The following PDE1A variants were observed in gnomAD, a reference collection of about 807,000 sequenced individuals.
The protein encoded by PDE1A is phosphodiesterase 1A, also known as dual specificity calcium/calmodulin-dependent 3',5'-cyclic nucleotide phosphodiesterase 1A.
Under a neutral mutation model 61.7 loss-of-function variants are expected in PDE1A, and 35 were observed. The ratio of observed to expected loss-of-function variants is 0.57; its 90% CI spans 0.43 to 0.75. PDE1A has a LOEUF of 0.75. Among genes scored for constraint, PDE1A ranks in the 30% least tolerant of loss-of-function variants. The probability of loss-of-function intolerance (pLI) is 0.00; values close to 1 mark genes in which losing one functional copy is unlikely to be tolerated. For missense variants in PDE1A, 597 were observed against 630.6 expected, an observed-to-expected ratio of 0.95 and a Z score of 0.57; for synonymous variants, 232 against 213.2, an observed-to-expected ratio of 1.09 and a Z score of -0.77.
the PDE1A span, among the ~76,000 whole-genome samples, chr2:182,654,381 C>T: frequency 6.6e-6 from 1 of 152,100 alleles, no homozygotes; most frequent in Non-Finnish European, 1.5e-5. Context: ...CTAACCTCTG[C>T]AATTTCTCCC....
chr2:182,621,586 T>A, the PDE1A span, among the ~76,000 whole-genome samples: 6 of 29,554 alleles, frequency 2.0e-4, no homozygotes, highest in South Asian at 1.6e-3. Flanking sequence ...TAAAAAAAAA[T>A]TTTTTTTTTT....
the PDE1A span, among the ~76,000 whole-genome samples, chr2:182,686,582 A>T: frequency 6.6e-6 from 1 of 152,362 alleles, no homozygotes; most frequent in African/African-American, 2.4e-5. Flanking sequence ...GAACAGCTCC[A>T]GTCTACAGCT....
chr2:182,177,473 T>C (rs912862039), intron 13 of PDE1A, among the ~76,000 whole-genome samples: 1 of 152,166 alleles, frequency 6.6e-6, no homozygotes, highest in Non-Finnish European at 1.5e-5. Context: ...CTTATTTGCA[T>C]AGAGGTGTTT....
chr2:182,614,713 A>C, the PDE1A span, among the ~76,000 whole-genome samples: 96 of 152,156 alleles, frequency 6.3e-4, no homozygotes, highest in African/African-American at 2.0e-3. Flanking sequence ...ATGTGCCACC[A>C]CACCCAGCCA....
intron 7 of PDE1A, among the ~76,000 whole-genome samples, chr2:182,207,320 G>T (rs1276573857): frequency 6.6e-6 from 1 of 152,192 alleles, no homozygotes; most frequent in Non-Finnish European, 1.5e-5. Flanking sequence ...CTGAGTATTT[G>T]AGTACTTATT....
At chr2:182,456,765 G>A (rs1685947019) in intron 2 of PDE1A, among the ~76,000 whole-genome samples, 1 of 152,036 alleles carries the variant, frequency 6.6e-6, no homozygotes, top group Non-Finnish European at 1.5e-5. Context: ...TAGCACTCCT[G>A]GAAAATCAGT....
chr2:182,688,259 C>T, the PDE1A span, among the ~76,000 whole-genome samples: 5 of 152,068 alleles, frequency 3.3e-5, no homozygotes, highest in South Asian at 4.1e-4. Context: ...AAGGAAAAAA[C>T]ATTAAGGGGA....
intron 2 of PDE1A, among the ~76,000 whole-genome samples, chr2:182,510,598 C>A (rs186845939): frequency 6.6e-6 from 1 of 152,284 alleles, no homozygotes; most frequent in Admixed American, 6.5e-5. Flanking sequence ...GAAGTCAAGT[C>A]TGTTGTGAAC....
At chr2:182,443,706 T>C in intron 2 of PDE1A, among the ~76,000 whole-genome samples, 1 of 150,300 alleles carries the variant, frequency 6.7e-6, no homozygotes, top group East Asian at 1.9e-4. Context: ...TTTCCTTTTT[T>C]TTTTTTTTTT....
chr2:182,355,189 T>A (rs1699107074), intron 1 of PDE1A, among the ~76,000 whole-genome samples: 1 of 152,002 alleles, frequency 6.6e-6, no homozygotes, highest in Non-Finnish European at 1.5e-5. Context: ...GTAAATATTC[T>A]ATTGCCAGTT....
exon 1 of PDE1A, chr2:182,426,955 C>T (rs1234880410): frequency 1.9e-6 from 2 of 1,056,170 alleles, no homozygotes; most frequent in African/African-American, 3.3e-5. Context: ...AACTTCCTAC[C>T]CCAGTGTCAT....
intron 1 of PDE1A, among the ~76,000 whole-genome samples, chr2:182,412,058 G>A (rs1160119529): frequency 9.9e-5 from 13 of 131,844 alleles, no homozygotes; most frequent in Non-Finnish European, 1.3e-4. Context: ...ACTCCATCTC[G>A]AAAAAAAAAA....
At chr2:182,409,820 T>C (rs972851684) in intron 1 of PDE1A, among the ~76,000 whole-genome samples, 3 of 152,174 alleles carry the variant, frequency 2.0e-5, no homozygotes, top group Non-Finnish European at 4.4e-5. Context: ...TAAAAAATAT[T>C]AATATAAATT....
the PDE1A span, among the ~76,000 whole-genome samples, chr2:182,670,358 TAG>T: frequency 2.0e-5 from 3 of 152,174 alleles, no homozygotes; most frequent in East Asian, 5.8e-4. Context: ...AAAATTAATA[TAG>T]AGTCCTGAGC....
the PDE1A span, among the ~76,000 whole-genome samples, chr2:182,582,763 T>C: frequency 6.6e-6 from 1 of 152,176 alleles, no homozygotes; most frequent in African/African-American, 2.4e-5. Context: ...AACTTACTAC[T>C]AAGCTAGCGG....
intron 13 of PDE1A, 173 bp downstream of exon 13, chr2:182,185,719 A>G: frequency 7.8e-7 from 1 of 1,274,126 alleles, no homozygotes; most frequent in East Asian, 2.6e-5. Context: ...ACCTCTTTTT[A>G]TCTAATAAAT....
At chr2:182,230,687 C>G (rs6755854) in intron 5 of PDE1A, among the ~76,000 whole-genome samples, 136 of 152,262 alleles carry the variant, frequency 8.9e-4, no homozygotes, top group African/African-American at 3.2e-3. Flanking sequence ...AAGGTTCATT[C>G]TGTATTTTAG....
intron 2 of PDE1A, among the ~76,000 whole-genome samples, chr2:182,462,888 A>C (rs1350338346): frequency 1.3e-5 from 2 of 152,200 alleles, no homozygotes; most frequent in Admixed American, 1.3e-4. Flanking sequence ...TTAAGGTCAA[A>C]TGCTAATTAT....
chr2:182,209,976 G>A (rs1221450092), intron 7 of PDE1A, among the ~76,000 whole-genome samples: 2 of 152,156 alleles, frequency 1.3e-5, no homozygotes, highest in Non-Finnish European at 2.9e-5. Context: ...CCGATTGATA[G>A]CTAATTTCCT....
Sources: allele counts gnomAD v4.1 joint callset (sites outside exome capture counted in the v4.1 genomes callset), GRCh38; gene constraint gnomAD v4.1.1; transcripts MANE v1.5; gene names NCBI Gene and HGNC (gene_info 2026-07-23, HGNC 2026-07-21).